Variants in CAB39L observed in about 807,000 individuals in gnomAD.
CAB39L encodes the protein calcium-binding protein 39-like.
Under a neutral mutation model 39.1 loss-of-function variants are expected in CAB39L, and 23 were observed. That is an observed-to-expected ratio of 0.59 (90% CI 0.42 to 0.83). The LOEUF is 0.83. CAB39L is among the 40% of genes least tolerant of loss of function. The probability of loss-of-function intolerance (pLI) is 0.00; values close to 1 mark genes in which losing one functional copy is unlikely to be tolerated. For missense variants in CAB39L, 366 were observed against 391.9 expected, an observed-to-expected ratio of 0.93 and a Z score of 0.56; for synonymous variants, 126 against 137.2, an observed-to-expected ratio of 0.92 and a Z score of 0.57.
intron 2 of CAB39L, 28 bp downstream of exon 2, chr13:49,434,058 T>G (rs1201548575): frequency 2.3e-6 from 1 of 431,836 alleles, no homozygotes; most frequent in East Asian, 7.1e-5. Flanking sequence ...TGTGCTTGTT[T>G]CCCCATCAGA....
intron 10 of CAB39L, among the ~76,000 whole-genome samples, chr13:49,315,177 C>T (rs988637971): frequency 6.6e-6 from 1 of 152,188 alleles, no homozygotes; most frequent in Non-Finnish European, 1.5e-5. Context: ...GTCATGGACT[C>T]ACTCACACAG....
At chr13:49,334,423 C>T (rs1954796140) in intron 9 of CAB39L, among the ~76,000 whole-genome samples, 1 of 152,174 alleles carries the variant, frequency 6.6e-6, no homozygotes, top group South Asian at 2.1e-4. Context: ...CTCCCTTCCT[C>T]CATCTTCCCC....
intron 1 of CAB39L, among the ~76,000 whole-genome samples, chr13:49,441,899 G>A (rs76857578): frequency 0.055 from 8,350 of 152,130 alleles, 356 homozygotes; most frequent in East Asian, 0.15. Flanking sequence ...TCTAGAGTGG[G>A]CTTGCCAGAT....
chr13:49,382,468 T>C, intron 4 of CAB39L: 1 of 163,566 alleles, frequency 6.1e-6, no homozygotes, highest in South Asian at 1.7e-4. Context: ...AGATTCACTG[T>C]AACAGAAACT....
chr13:49,370,695 C>T (rs963936905), intron 5 of CAB39L, among the ~76,000 whole-genome samples: 1 of 152,192 alleles, frequency 6.6e-6, no homozygotes, highest in African/African-American at 2.4e-5. Flanking sequence ...AGTCTTCATC[C>T]TTATGCAGAT....
chr13:49,339,350 C>A (rs1310372182), intron 9 of CAB39L, among the ~76,000 whole-genome samples: 1 of 151,986 alleles, frequency 6.6e-6, no homozygotes, highest in Non-Finnish European at 1.5e-5. Flanking sequence ...AGGCTGGTCT[C>A]GAACTCCTGA....
Position 49,382,896 on chromosome 13 carries a change from A to G in CAB39L, c.15T>C (p.Pro5=). The change falls in exon 4 of 11, where the codon CCT becomes CCC. Residue 5 remains proline (P), a synonymous_variant. Transcript: ENST00000409308. ...GATTTTTGTGTGATTTACTAAACAAAGGCATTTTTTTCATGTGTAGAAATC... is the reference window on the plus strand; with the variant it reads ...GATTTTTGTGTGATTTACTAAACAAGGGCATTTTTTTCATGTGTAGAAATC... MKKM[P]LFSKSHKNPA... 2.5e-6 allele frequency: 4 copies of G among 1,606,794 alleles called. No homozygotes were observed. Among genetic ancestry groups the G allele is most frequent in the African/African-American group, 1.3e-5 (1 of 74,808 alleles).
intron 3 of CAB39L, among the ~76,000 whole-genome samples, chr13:49,400,267 C>T (rs551304385): frequency 9.2e-5 from 14 of 152,074 alleles, no homozygotes; most frequent in Non-Finnish European, 1.8e-4. Context: ...TAACAACATA[C>T]ACTTTCTTCC....
intron 5 of CAB39L, among the ~76,000 whole-genome samples, chr13:49,364,362 A>G (rs1955715744): frequency 1.3e-5 from 2 of 152,186 alleles, no homozygotes. Context: ...AGATCCCAAT[A>G]CAACAGTAGC....
rs114398575 is a variant in CAB39L, at chr13:49,340,523, T to C, written c.625-781A>G. 9.2e-3 allele frequency among the ~76,000 whole-genome samples: 1,398 copies of C among 152,280 alleles called. 26 individuals carry two copies. The highest frequency in any genetic ancestry group is 0.032 in the African/African-American group (1,319 of 41,568). On this transcript the variant is annotated intron_variant, in intron 8 of 10. Transcript: ENST00000409308. ...TGTAATGAGGGCAAGCTGTGCATGC[T>C]GACAATCACCGATAGAGAATAAAGT...
At chr13:49,339,912 T>C (rs563205731) in intron 8 of CAB39L, among the ~76,000 whole-genome samples, 170 bp from the exon 9 acceptor site, 2 of 152,224 alleles carry the variant, frequency 1.3e-5, no homozygotes, top group Admixed American at 6.5e-5. Context: ...ACAAGAGACA[T>C]CCTTCCCTAT....
intron 4 of CAB39L, among the ~76,000 whole-genome samples, chr13:49,377,598 G>C (rs1336800072): frequency 1.1e-5 from 1 of 87,918 alleles, no homozygotes; most frequent in Non-Finnish European, 2.3e-5. Flanking sequence ...TCGCTGTGTT[G>C]GCCGGGCAGG....
At chr13:49,428,009 A>G (rs1182704693) in intron 3 of CAB39L, among the ~76,000 whole-genome samples, 1 of 152,144 alleles carries the variant, frequency 6.6e-6, no homozygotes, top group African/African-American at 2.4e-5. Flanking sequence ...TCCAAATACC[A>G]TCTCATTAGG....
intron 10 of CAB39L, among the ~76,000 whole-genome samples, chr13:49,315,821 G>A (rs1212829873): frequency 4.0e-5 from 6 of 149,444 alleles, no homozygotes; most frequent in Non-Finnish European, 8.9e-5. Context: ...GAAGGCGGAG[G>A]TTGCAGTGAG....
intron 1 of CAB39L, among the ~76,000 whole-genome samples, chr13:49,438,395 T>A (rs934449890): frequency 6.6e-6 from 1 of 152,220 alleles, no homozygotes; most frequent in Non-Finnish European, 1.5e-5. Context: ...CAAAATATAT[T>A]TGATTTGCTC....
chr13:49,361,812 G>GC (rs370809177), intron 5 of CAB39L, among the ~76,000 whole-genome samples: 381 of 152,096 alleles, frequency 2.5e-3, no homozygotes, highest in African/African-American at 6.8e-3. Flanking sequence ...TGGGATGAGT[G>GC]CCCCTCTCTG....
chr13:49,433,424 T>G (rs1333721788), intron 2 of CAB39L, 31 bp from the exon 3 acceptor site: 1 of 446,296 alleles, frequency 2.2e-6, no homozygotes, highest in Non-Finnish European at 4.5e-6. Flanking sequence ...AAAATTAATT[T>G]TTAAAGTCTT....
chr13:49,411,354 G>T lies in CAB39L; in HGVS notation c.-32+21964C>A, dbSNP rs946336065. 6.7e-5 allele frequency among the ~76,000 whole-genome samples: 10 copies of T among 149,344 alleles called. No homozygotes were observed. The South Asian group carries it at 1.9e-3, about 28-fold the overall frequency. On this transcript the variant is annotated intron_variant, in intron 3 of 10. Coordinates refer to ENST00000409308, the MANE Select transcript of CAB39L (RefSeq NM_001079670.3). ...GAGCCTTGGAGGCGGAGGTTGCAGT[G>T]AGCCGAGATAACGTCACTGCACTCC...
intron 9 of CAB39L, among the ~76,000 whole-genome samples, chr13:49,335,684 A>C (rs1413153303): frequency 6.6e-6 from 1 of 152,190 alleles, no homozygotes; most frequent in Non-Finnish European, 1.5e-5. Flanking sequence ...AAAATTCCCC[A>C]GTTTCCACCA....
Sources: gnomAD v4.1 joint callset for allele counts (sites outside exome capture counted in the v4.1 genomes callset) on GRCh38, gnomAD v4.1.1 for gene constraint, MANE v1.5 for transcripts, NCBI Gene and HGNC (gene_info 2026-07-23, HGNC 2026-07-21) for gene names.